The following ITSN1 variants were observed in gnomAD, a reference collection of about 807,000 sequenced individuals.
ITSN1 encodes the protein intersectin-1.
Under a neutral mutation model 239.8 loss-of-function variants are expected in ITSN1, and 58 were observed. The observed-to-expected ratio is 0.24, with a 90% CI of 0.20 to 0.30. The LOEUF (loss-of-function observed/expected upper bound fraction) is 0.30, where lower values mean the gene tolerates loss of function less well. ITSN1 is among the 10% of genes least tolerant of loss of function. The probability of loss-of-function intolerance (pLI) is 1.00; values close to 1 mark genes in which losing one functional copy is unlikely to be tolerated. For synonymous variants in ITSN1, 780 were observed against 770.8 expected (o/e 1.01, Z -0.20); for missense variants, 1,558 against 2,103.3 (o/e 0.74, Z 5.07).
intron 20 of ITSN1, among the ~76,000 whole-genome samples, chr21:33,805,826 C>T (rs1053990293): frequency 1.7e-4 from 25 of 151,340 alleles, no homozygotes; most frequent in African/African-American, 6.1e-4. Flanking sequence ...CACCCGCCAC[C>T]ACGCCCGGCT....
chr21:33,850,452 T>C (rs1396112042), intron 29 of ITSN1, among the ~76,000 whole-genome samples: 2 of 152,266 alleles, frequency 1.3e-5, no homozygotes, highest in East Asian at 3.9e-4. Context: ...ATCTTGAGGA[T>C]TTGCAACTCC....
intron 6 of ITSN1, among the ~76,000 whole-genome samples, chr21:33,750,588 A>C (rs895091734): frequency 2.0e-5 from 3 of 152,124 alleles, no homozygotes; most frequent in Non-Finnish European, 4.4e-5. Context: ...CACAAATGTA[A>C]TTTTCTTTCA....
At chr21:33,877,059 C>CTTTTTTTTTTTTT (rs10529259) in intron 34 of ITSN1, among the ~76,000 whole-genome samples, 17,537 of 105,270 alleles carry the variant, frequency 0.17, 4,884 homozygotes, top group African/African-American at 0.42. Flanking sequence ...CTGTGGGCAC[C>CTTTTTTTTTTTTT]TTTTTTTTTT....
chr21:33,775,714 C>T (rs2069548424), intron 14 of ITSN1, among the ~76,000 whole-genome samples: 1 of 152,038 alleles, frequency 6.6e-6, no homozygotes, highest in East Asian at 1.9e-4. Flanking sequence ...CTGGATCACA[C>T]AGAACCTGTA....
intron 20 of ITSN1, among the ~76,000 whole-genome samples, chr21:33,802,951 T>G (rs1247707944): frequency 6.6e-6 from 1 of 152,232 alleles, no homozygotes. Flanking sequence ...TTACCCCTGT[T>G]ACATAAAGAT....
Position 33,897,609 on chromosome 21 carries a change from T to C in ITSN1, c.*9309T>C, listed in dbSNP as rs1247280909. On this transcript the variant is annotated 3_prime_UTR_variant, in exon 40 of 40. Transcript: ENST00000381318. ...TGTTTATGGAATGGCCATGACTAAA[T>C]GTATATATGGTATGTAAGAGGCCAT... The C allele has an allele frequency of 6.6e-6, 1 of 152,242 alleles. No individual in the cohort carries two copies. Among genetic ancestry groups the C allele is most frequent in the Non-Finnish European group, 1.5e-5 (1 of 68,048 alleles). The allele number at this position is 152,242 out of a possible 1,614,324, so 9.4% of individuals were successfully genotyped here.
intron 1 of ITSN1, among the ~76,000 whole-genome samples, chr21:33,708,741 A>T (rs2092326265): frequency 6.6e-6 from 1 of 152,174 alleles, no homozygotes. Flanking sequence ...TGCCTAGCCT[A>T]AGTTCAGGAA....
chr21:33,809,825 C>T (rs1447229232), intron 20 of ITSN1, among the ~76,000 whole-genome samples: 2 of 152,268 alleles, frequency 1.3e-5, no homozygotes, highest in African/African-American at 2.4e-5. Context: ...CGGAGTTTCA[C>T]TCCTGTTGCC....
intron 1 of ITSN1, among the ~76,000 whole-genome samples, chr21:33,675,928 C>T (rs1001580142): frequency 1.3e-5 from 2 of 152,046 alleles, no homozygotes; most frequent in African/African-American, 2.4e-5. Context: ...ATATTTGTTT[C>T]CAAAATTTCA....
chr21:33,744,128 T>C (rs1454158463), intron 5 of ITSN1, among the ~76,000 whole-genome samples: 3 of 152,222 alleles, frequency 2.0e-5, no homozygotes, highest in Non-Finnish European at 4.4e-5. Flanking sequence ...TCCCATGCAC[T>C]GTCAATTGGA....
intron 35 of ITSN1, 29 bp from the exon 36 acceptor site, chr21:33,883,521 C>G (rs1985280533): frequency 6.2e-7 from 1 of 1,610,662 alleles, no homozygotes; most frequent in East Asian, 2.2e-5. Context: ...CCCAGCCTCG[C>G]TTTGTAATGC....
At chr21:33,664,006 C>T (rs2089753373) in intron 1 of ITSN1, among the ~76,000 whole-genome samples, 1 of 152,134 alleles carries the variant, frequency 6.6e-6, no homozygotes, top group Non-Finnish European at 1.5e-5. Context: ...TAGCATTTTC[C>T]TAAAAAGTCC....
At chr21:33,672,322 A>G (rs2090337869) in intron 1 of ITSN1, among the ~76,000 whole-genome samples, 1 of 152,236 alleles carries the variant, frequency 6.6e-6, no homozygotes. Context: ...CTATCATACA[A>G]TTAGTACAAT....
At chr21:33,682,081 A>AC (rs2090993088) in intron 1 of ITSN1, among the ~76,000 whole-genome samples, 3 of 151,906 alleles carry the variant, frequency 2.0e-5, no homozygotes, top group Non-Finnish European at 4.4e-5. Context: ...TTAAAAAAAA[A>AC]ACTACATACT....
At chr21:33,668,291 T>C (rs188570195) in intron 1 of ITSN1, among the ~76,000 whole-genome samples, 53 of 152,344 alleles carry the variant, frequency 3.5e-4, no homozygotes, top group African/African-American at 1.3e-3. Context: ...TTCATATTAT[T>C]GAAACGCAAT....
intron 1 of ITSN1, among the ~76,000 whole-genome samples, chr21:33,657,412 A>G (rs375774560): frequency 6.6e-6 from 1 of 152,220 alleles, no homozygotes; most frequent in African/African-American, 2.4e-5. Flanking sequence ...GCTCTGTTAC[A>G]TTTAGGACTT....
chr21:33,804,812 T>A (rs562667367), intron 20 of ITSN1, among the ~76,000 whole-genome samples: 2 of 152,190 alleles, frequency 1.3e-5, no homozygotes, highest in Non-Finnish European at 2.9e-5. Flanking sequence ...TGTCTTAGGC[T>A]GCACATAAAA....
Position 33,888,160 on chromosome 21 carries a change from G to T in ITSN1, c.5026G>T (p.Gly1676Cys). 1 of 1,613,928 alleles carries T rather than the reference G, an allele frequency of 6.2e-7. No individual in the cohort carries two copies. Among genetic ancestry groups the T allele is most frequent in the Non-Finnish European group, 8.5e-7 (1 of 1,179,940 alleles). The change falls in exon 40 of 40, where the codon GGT (glycine) becomes TGT (cysteine). Residue 1676 changes from glycine to cysteine, a missense_variant. By Grantham distance (159) the Gly-to-Cys change is radical. Coordinates refer to ENST00000381318, the MANE Select transcript of ITSN1 (RefSeq NM_003024.3). ...GTTTGTTCTCTTTTCAGATTTTTTG[G>T]GTCGGACGGAGATCCGTGTGGCGGA... Reference protein sequence around the residue: ...RDQFSPDDFLGRTEIRVADIK... With the variant: ...RDQFSPDDFLCRTEIRVADIK...
At chr21:33,731,857 C>T (rs2066207381) in intron 4 of ITSN1, among the ~76,000 whole-genome samples, 1 of 152,130 alleles carries the variant, frequency 6.6e-6, no homozygotes, top group Non-Finnish European at 1.5e-5. Context: ...AGGTTTATTC[C>T]AAGCCGAATA....
Sources: allele counts gnomAD v4.1 joint callset (sites outside exome capture counted in the v4.1 genomes callset), GRCh38; gene constraint gnomAD v4.1.1; transcripts MANE v1.5; gene names NCBI Gene and HGNC (gene_info 2026-07-23, HGNC 2026-07-21).